The following EEF1AKMT1 variants were observed in gnomAD, a reference collection of about 807,000 sequenced individuals.
EEF1AKMT1 encodes the protein EEF1A lysine methyltransferase 1.
Under a neutral mutation model 21.0 loss-of-function variants are expected in EEF1AKMT1, and 18 were observed. The ratio of observed to expected loss-of-function variants is 0.86; its 90% CI spans 0.59 to 1.27. The LOEUF (loss-of-function observed/expected upper bound fraction) is 1.27, where lower values mean the gene tolerates loss of function less well. Ranked by LOEUF, EEF1AKMT1 falls within the 50% of genes most tolerant of loss-of-function variation. The pLI is 0.00. For missense variants in EEF1AKMT1, 246 were observed against 258.6 expected (o/e 0.95, Z 0.33); for synonymous variants, 109 against 94.8 (o/e 1.15, Z -0.87).
intron 1 of EEF1AKMT1, among the ~76,000 whole-genome samples, chr13:20,758,671 T>C (rs967387868): frequency 1.3e-5 from 2 of 151,884 alleles, no homozygotes; most frequent in African/African-American, 4.8e-5. Context: ...TTAAAAAAAA[T>C]TCTAAAATTC....
intron 2 of EEF1AKMT1, among the ~76,000 whole-genome samples, chr13:20,754,741 C>CAAAAA (rs56777421): frequency 7.7e-5 from 9 of 116,576 alleles, no homozygotes; most frequent in Non-Finnish European, 1.1e-4. Context: ...ACCAAAAATA[C>CAAAAA]AAAAAAAAAA....
intron 4 of EEF1AKMT1, among the ~76,000 whole-genome samples, chr13:20,730,082 G>A (rs1034934229): frequency 5.3e-5 from 8 of 152,244 alleles, no homozygotes; most frequent in African/African-American, 1.9e-4. Context: ...CTGGGGCAAA[G>A]TGCAGATCCC....
At chr13:20,750,130 C>T (rs1274033294) in intron 2 of EEF1AKMT1, among the ~76,000 whole-genome samples, 1 of 152,266 alleles carries the variant, frequency 6.6e-6, no homozygotes, top group African/African-American at 2.4e-5. Context: ...GTTACATGCA[C>T]AGAATGTGTA....
intron 2 of EEF1AKMT1, among the ~76,000 whole-genome samples, chr13:20,743,659 C>CTT (rs558443843): frequency 8.1e-6 from 1 of 123,666 alleles, no homozygotes; most frequent in African/African-American, 3.0e-5. Context: ...TGACCTTGTG[C>CTT]TTTTTTTTTT....
chr13:20,751,938 TC>T (rs1224172795), intron 2 of EEF1AKMT1, among the ~76,000 whole-genome samples: 1 of 152,190 alleles, frequency 6.6e-6, no homozygotes, highest in Non-Finnish European at 1.5e-5. Flanking sequence ...TCGATTTCTT[TC>T]TCAGCTAGTT....
intron 2 of EEF1AKMT1, among the ~76,000 whole-genome samples, chr13:20,755,882 A>G (rs2058969093): frequency 6.6e-6 from 1 of 152,230 alleles, no homozygotes; most frequent in Non-Finnish European, 1.5e-5. Flanking sequence ...AGTATTTTAA[A>G]AATTAAGCAG....
At chr13:20,747,863 C>T in intron 2 of EEF1AKMT1, 1 of 169,502 alleles carries the variant, frequency 5.9e-6, no homozygotes, top group South Asian at 1.6e-4. Flanking sequence ...CAAATTTCTT[C>T]TGGCCAGCTG....
chr13:20,761,509 G>A (rs1301379457), intron 1 of EEF1AKMT1, among the ~76,000 whole-genome samples: 1 of 152,174 alleles, frequency 6.6e-6, no homozygotes, highest in Admixed American at 6.5e-5. Context: ...ATTACAAATA[G>A]AGCTGTTGTG....
chr13:20,765,978 C>A (rs1385076104), intron 1 of EEF1AKMT1, among the ~76,000 whole-genome samples: 1 of 151,810 alleles, frequency 6.6e-6, no homozygotes, highest in Non-Finnish European at 1.5e-5. Flanking sequence ...ATCAAGTAGG[C>A]ATATATGAAA....
At chr13:20,765,141 A>G (rs2059021574) in intron 1 of EEF1AKMT1, among the ~76,000 whole-genome samples, 1 of 151,898 alleles carries the variant, frequency 6.6e-6, no homozygotes, top group Non-Finnish European at 1.5e-5. Flanking sequence ...GGCACCTGTA[A>G]TCCCAGCTAC....
chr13:20,748,509 C>A (rs2058920776), intron 2 of EEF1AKMT1, among the ~76,000 whole-genome samples: 1 of 151,882 alleles, frequency 6.6e-6, no homozygotes, highest in African/African-American at 2.4e-5. Context: ...TGACCCCCTG[C>A]CATTGAGCCT....
chr13:20,767,057 A>C (rs2059038135), intron 1 of EEF1AKMT1, among the ~76,000 whole-genome samples: 1 of 152,100 alleles, frequency 6.6e-6, no homozygotes, highest in Non-Finnish European at 1.5e-5. Flanking sequence ...CTGTAATCCC[A>C]GCACTTTGGG....
At chr13:20,764,580 C>T (rs547615564) in intron 1 of EEF1AKMT1, among the ~76,000 whole-genome samples, 1 of 152,046 alleles carries the variant, frequency 6.6e-6, no homozygotes, top group South Asian at 2.1e-4. Flanking sequence ...GTAGTTCTAT[C>T]GATTGCTGAG....
chr13:20,739,840 C>T lies in EEF1AKMT1; in HGVS notation c.145-2035G>A, dbSNP rs1219705203. 2.0e-5 allele frequency among the ~76,000 whole-genome samples: 3 copies of T among 152,244 alleles called. No individual in the cohort carries two copies. In the East Asian group the frequency reaches 5.8e-4, roughly 29 times the overall value. On this transcript the variant is annotated intron_variant, in intron 2 of 4. Transcript: ENST00000382758. ...TAGACATAAAAATTTTCCAAGTCCC[C>T]ACCTGACTCAGGAGCCCAGCTGGCT... is the stretch of plus-strand genomic sequence containing the variant.
rs1295037677 is a variant in EEF1AKMT1 at position 20,732,085 on chromosome 13, T to A, written c.264A>T (p.Lys88Asn). The change falls in exon 4 of 5, where the codon AAA (lysine) becomes AAT (asparagine). Residue 88 changes from lysine (K) to asparagine (N), a missense_variant. By Grantham distance (94) the Lys-to-Asn change is moderately conservative. Coordinates refer to ENST00000382758, the MANE Select transcript of EEF1AKMT1 (RefSeq NM_001318939.2). ...ACVSAPSVYQ[K>N]LRELCRENFS... ...AGTTTTCTCTGCACAGCTCTCTGAGTTTCTGGTAAACACTAGGGGCACTCA... is the reference window on the plus strand; with the variant it reads ...AGTTTTCTCTGCACAGCTCTCTGAGATTCTGGTAAACACTAGGGGCACTCA... 8 of 1,613,560 alleles carry A rather than the reference T, an allele frequency of 5.0e-6. No homozygotes were observed. Among genetic ancestry groups the A allele is most frequent in the Non-Finnish European group, 5.9e-6 (7 of 1,179,910 alleles).
chr13:20,753,708 G>A (rs1388807675), intron 2 of EEF1AKMT1, among the ~76,000 whole-genome samples: 12 of 152,062 alleles, frequency 7.9e-5, no homozygotes, highest in African/African-American at 2.7e-4. Context: ...CTTAAAATCT[G>A]CTTTATCTGA....
intron 2 of EEF1AKMT1, among the ~76,000 whole-genome samples, chr13:20,739,724 T>G (rs979092017): frequency 1.3e-5 from 2 of 151,972 alleles, no homozygotes; most frequent in Non-Finnish European, 2.9e-5. Flanking sequence ...AAGTCCCCAC[T>G]AGATTTGCTA....
At chr13:20,741,373 T>C (rs1011399679) in intron 2 of EEF1AKMT1, among the ~76,000 whole-genome samples, 3 of 152,038 alleles carry the variant, frequency 2.0e-5, no homozygotes, top group African/African-American at 7.2e-5. Flanking sequence ...TTACACCCAC[T>C]TTCTTTCTTT....
intron 2 of EEF1AKMT1, among the ~76,000 whole-genome samples, chr13:20,755,093 C>G (rs2058964688): frequency 6.7e-6 from 1 of 148,790 alleles, no homozygotes; most frequent in Non-Finnish European, 1.5e-5. Flanking sequence ...CACTTTGGCT[C>G]TAGTCATGGC....
Sources: allele counts gnomAD v4.1 joint callset (sites outside exome capture counted in the v4.1 genomes callset), GRCh38; gene constraint gnomAD v4.1.1; transcripts MANE v1.5; gene names NCBI Gene and HGNC (gene_info 2026-07-23, HGNC 2026-07-21).